The following ASB3 variants were observed in gnomAD, a reference collection of about 807,000 sequenced individuals.
The protein encoded by ASB3 is ankyrin repeat and SOCS box containing 3.
Under a neutral mutation model 54.5 loss-of-function variants are expected in ASB3, and 41 were observed. The ratio of observed to expected loss-of-function variants is 0.75; its 90% CI spans 0.59 to 0.98. The LOEUF is 0.98. Among genes scored for constraint, ASB3 ranks in the 50% least tolerant of loss-of-function variants. ASB3 has a pLI of 0.00. For missense variants in ASB3, 733 were observed against 620.0 expected (o/e 1.18, Z -1.94); for synonymous variants, 266 against 221.2 (o/e 1.20, Z -1.80).
intron 9 of ASB3, among the ~76,000 whole-genome samples, chr2:53,689,138 CAA>C (rs1668779677): frequency 6.7e-6 from 1 of 150,264 alleles, no homozygotes; most frequent in Non-Finnish European, 1.5e-5. Flanking sequence ...TAAATCATGT[CAA>C]GTTTAAAATG....
At chr2:53,776,221 A>G (rs991450122) in intron 1 of ASB3, among the ~76,000 whole-genome samples, 2 of 152,222 alleles carry the variant, frequency 1.3e-5, no homozygotes, top group African/African-American at 4.8e-5. Flanking sequence ...ACTCAGCTAC[A>G]TATCTACTTT....
At chr2:53,706,823 G>T (rs1197788452) in intron 7 of ASB3, among the ~76,000 whole-genome samples, 1 of 152,182 alleles carries the variant, frequency 6.6e-6, no homozygotes, top group East Asian at 1.9e-4. Context: ...GTTACTAAGA[G>T]AAATATACTT....
At chr2:53,720,221 T>C (rs985773716) in intron 5 of ASB3, among the ~76,000 whole-genome samples, 6 of 152,192 alleles carry the variant, frequency 3.9e-5, no homozygotes, top group Non-Finnish European at 1.5e-5. Context: ...TGTCCCGCTT[T>C]TCCAGACAGA....
In ASB3 at chr2:53,729,538, G is replaced by C. The variant is rs34266611; in HGVS notation, c.388C>G (p.Leu130Val). The change falls in exon 4 of 10, where the codon CTG (leucine) becomes GTG (valine). Residue 130 changes from leucine to valine, a missense_variant. Leu to Val is a conservative substitution (Grantham distance 32). Coordinates refer to ENST00000263634, the MANE Select transcript of ASB3 (RefSeq NM_016115.5). ...ACATTTGCTCCGTGTTGAAGCAACA[G>C]CCTTAACACATCTATCTGTCCATTT... ...VENGQIDVLR[L>V]LLQHGANVNG... 1.2e-6 allele frequency: 2 copies of C among 1,613,790 alleles called. No individual in the cohort carries two copies. Among genetic ancestry groups the C allele is most frequent in the Non-Finnish European group, 8.5e-7 (1 of 1,179,834 alleles).
intron 7 of ASB3, 115 bp downstream of exon 7, chr2:53,714,269 T>C (rs568361476): frequency 6.9e-5 from 90 of 1,302,798 alleles, no homozygotes; most frequent in East Asian, 2.0e-4. Context: ...TGTTCCAAGA[T>C]AGCAATTTAG....
At chr2:53,742,726 T>C (rs913508839) in intron 3 of ASB3, among the ~76,000 whole-genome samples, 2 of 124,908 alleles carry the variant, frequency 1.6e-5, no homozygotes, top group African/African-American at 6.7e-5. Context: ...AAGAGGAACA[T>C]AGAGGCTTAA....
intron 2 of ASB3, chr2:53,756,775 C>A: frequency 6.5e-6 from 1 of 153,170 alleles, no homozygotes; most frequent in South Asian, 1.8e-4. Flanking sequence ...CACTGCTGAT[C>A]ACCGTCGTCG....
intron 7 of ASB3, among the ~76,000 whole-genome samples, chr2:53,709,457 C>G (rs1275416865): frequency 2.0e-5 from 3 of 152,138 alleles, no homozygotes; most frequent in Admixed American, 1.3e-4. Flanking sequence ...GCCTCTACCC[C>G]ATAAACATAC....
intron 5 of ASB3, among the ~76,000 whole-genome samples, chr2:53,721,574 T>TCAAA (rs536612507): frequency 3.3e-5 from 5 of 151,292 alleles, no homozygotes; most frequent in Admixed American, 6.6e-5. Flanking sequence ...TGTCTCAAAA[T>TCAAA]CAAACAAACA....
At chr2:53,770,501 A>G (rs1261337641) in intron 1 of ASB3, among the ~76,000 whole-genome samples, 2 of 69,664 alleles carry the variant, frequency 2.9e-5, no homozygotes, top group African/African-American at 1.4e-4. Flanking sequence ...GTTTATTTAA[A>G]AAAAAAAAAA....
At chr2:53,765,663 G>T in intron 1 of ASB3, 78 bp from the exon 2 acceptor site, 1 of 1,539,904 alleles carries the variant, frequency 6.5e-7, no homozygotes, top group Non-Finnish European at 8.9e-7. Flanking sequence ...AATCACGGTG[G>T]GCCTGTCTAG....
chr2:53,713,288 T>C (rs1319581766), intron 7 of ASB3, among the ~76,000 whole-genome samples: 1 of 152,232 alleles, frequency 6.6e-6, no homozygotes, highest in East Asian at 1.9e-4. Context: ...ACTACTCAAA[T>C]TAAATAGAGA....
At chr2:53,700,129 C>A in intron 8 of ASB3, 142 bp downstream of exon 8, 1 of 1,308,568 alleles carries the variant, frequency 7.6e-7, no homozygotes, top group South Asian at 1.6e-5. Context: ...TTATTAGCAG[C>A]CACCAACTCC....
chr2:53,709,013 C>G (rs1208441798), intron 7 of ASB3, among the ~76,000 whole-genome samples: 6 of 152,214 alleles, frequency 3.9e-5, no homozygotes, highest in Non-Finnish European at 8.8e-5. Flanking sequence ...GGAATTCAAG[C>G]AGACTTCAGA....
At chr2:53,781,245 C>CA (rs1674627248) in intron 1 of ASB3, among the ~76,000 whole-genome samples, 1 of 151,814 alleles carries the variant, frequency 6.6e-6, no homozygotes, top group Admixed American at 6.6e-5. Flanking sequence ...CTATCTCTTA[C>CA]AAAAAATACA....
chr2:53,675,301 A>G (rs961629313), intron 9 of ASB3, among the ~76,000 whole-genome samples: 7 of 152,234 alleles, frequency 4.6e-5, no homozygotes, highest in African/African-American at 1.7e-4. Context: ...TTACATATAA[A>G]TTACATGTAT....
intron 1 of ASB3, chr2:53,767,578 ATTGT>A: frequency 3.4e-6 from 1 of 295,374 alleles, no homozygotes; most frequent in Non-Finnish European, 6.5e-6. Flanking sequence ...CATTGTGGGT[ATTGT>A]AGTTTTCTGC....
chr2:53,735,974 T>C (rs1485986079), intron 3 of ASB3, among the ~76,000 whole-genome samples: 2 of 149,094 alleles, frequency 1.3e-5, no homozygotes, highest in East Asian at 2.0e-4. Flanking sequence ...AATTCCAGAT[T>C]GGATTTAGAA....
chr2:53,735,636 GAA>G (rs201636132), intron 3 of ASB3, among the ~76,000 whole-genome samples: 1 of 140,670 alleles, frequency 7.1e-6, no homozygotes, highest in African/African-American at 2.6e-5. Context: ...TTAATAGTTG[GAA>G]AAAAAAAAAC....
Sources: allele counts gnomAD v4.1 joint callset (sites outside exome capture counted in the v4.1 genomes callset), GRCh38; gene constraint gnomAD v4.1.1; transcripts MANE v1.5; gene names NCBI Gene and HGNC (gene_info 2026-07-23, HGNC 2026-07-21).